The following EPHA6 variants were observed in gnomAD, a reference collection of about 807,000 sequenced individuals.
EPHA6 encodes the protein ephrin type-A receptor 6.
In EPHA6, 50 loss-of-function variants were observed where a neutral mutation model predicts 112.0. The ratio of observed to expected loss-of-function variants is 0.45; its 90% CI spans 0.36 to 0.56. The LOEUF (loss-of-function observed/expected upper bound fraction) is 0.56, where lower values mean the gene tolerates loss of function less well. Among genes scored for constraint, EPHA6 ranks in the 20% least tolerant of loss-of-function variants. The pLI is 0.00. For missense variants in EPHA6, 1,280 were observed against 1,417.4 expected (o/e 0.90, Z 1.56); for synonymous variants, 529 against 490.7 (o/e 1.08, Z -1.03).
chr3:97,298,123 T>C (rs897926586), intron 5 of EPHA6, among the ~76,000 whole-genome samples: 6 of 152,196 alleles, frequency 3.9e-5, no homozygotes, highest in African/African-American at 1.4e-4. Context: ...CCAAATCCTT[T>C]GATAGATTTT....
rs547314137 is a variant in EPHA6 at position 97,343,328 on chromosome 3, G to A, written c.1607-61822G>A. Among the ~76,000 whole-genome samples, 53 of 152,274 alleles carry A rather than the reference G, an allele frequency of 3.5e-4. No individual in the cohort carries two copies. The South Asian group carries it at 0.01, about 30-fold the overall frequency. Reference sequence around the variant, plus strand: ...GTTCTGTAGTAGGTACAACTTGTGAGGGATGAAGTTGGGTGTTTAATTGAG... The same window carrying A: ...GTTCTGTAGTAGGTACAACTTGTGAAGGATGAAGTTGGGTGTTTAATTGAG... On this transcript the variant is annotated intron_variant, in intron 5 of 17. Transcript: ENST00000389672.
At chr3:97,568,895 G>A (rs1488160001) in intron 11 of EPHA6, among the ~76,000 whole-genome samples, 6 of 152,092 alleles carry the variant, frequency 3.9e-5, no homozygotes, top group East Asian at 1.9e-4. Flanking sequence ...GGATGTCATC[G>A]GATGGAAACT....
intron 2 of EPHA6, among the ~76,000 whole-genome samples, chr3:96,919,246 T>G (rs932786950): frequency 6.6e-6 from 1 of 151,930 alleles, no homozygotes; most frequent in Non-Finnish European, 1.5e-5. Context: ...TCTGTTAGTA[T>G]ACTACACTGA....
intron 2 of EPHA6, among the ~76,000 whole-genome samples, chr3:96,867,244 T>G (rs2107456812): frequency 6.6e-6 from 1 of 151,978 alleles, no homozygotes; most frequent in Middle Eastern, 3.4e-3. Context: ...ATAAATAAAC[T>G]TTAAACTACT....
At chr3:97,115,929 A>G (rs1364842974) in intron 3 of EPHA6, among the ~76,000 whole-genome samples, 2 of 151,816 alleles carry the variant, frequency 1.3e-5, no homozygotes, top group Admixed American at 1.3e-4. Flanking sequence ...CTGCCTAAAA[A>G]CAAATCATAG....
chr3:97,281,011 G>C (rs1434261461), intron 5 of EPHA6, among the ~76,000 whole-genome samples: 1 of 152,136 alleles, frequency 6.6e-6, no homozygotes, highest in Admixed American at 6.6e-5. Context: ...ACATAGTTCA[G>C]TCACTTGGCA....
intron 6 of EPHA6, among the ~76,000 whole-genome samples, chr3:97,406,456 C>T (rs929021213): frequency 1.3e-5 from 2 of 152,086 alleles, no homozygotes; most frequent in African/African-American, 2.4e-5. Context: ...AAACCCACTC[C>T]CATGGTGACA....
chr3:97,258,964 C>T (rs1379275765), intron 5 of EPHA6, among the ~76,000 whole-genome samples: 1 of 152,126 alleles, frequency 6.6e-6, no homozygotes, highest in Non-Finnish European at 1.5e-5. Context: ...TAGAAGGACA[C>T]CTCTCTTAAA....
At chr3:97,190,164 A>G (rs989384358) in intron 3 of EPHA6, among the ~76,000 whole-genome samples, 1 of 152,178 alleles carries the variant, frequency 6.6e-6, no homozygotes, top group African/African-American at 2.4e-5. Context: ...TGAAAGGAAC[A>G]GTATACAGCA....
At chr3:97,191,665 G>A (rs555388510) in intron 3 of EPHA6, among the ~76,000 whole-genome samples, 6 of 152,070 alleles carry the variant, frequency 3.9e-5, no homozygotes, top group South Asian at 2.1e-4. Flanking sequence ...TTTCTTTCAC[G>A]GCTGACTAGT....
chr3:97,324,709 T>A (rs1241637362), intron 5 of EPHA6, among the ~76,000 whole-genome samples: 1 of 151,924 alleles, frequency 6.6e-6, no homozygotes, highest in East Asian at 1.9e-4. Context: ...CAGCTCATTT[T>A]TGCATTTTTT....
intron 2 of EPHA6, among the ~76,000 whole-genome samples, chr3:96,891,747 T>C (rs1320469512): frequency 6.6e-6 from 1 of 152,096 alleles, no homozygotes; most frequent in Non-Finnish European, 1.5e-5. Flanking sequence ...GCTGGTGATA[T>C]GCTGTTTTGA....
chr3:97,256,730 T>C (rs546514382), intron 5 of EPHA6, among the ~76,000 whole-genome samples: 1 of 152,202 alleles, frequency 6.6e-6, no homozygotes, highest in South Asian at 2.1e-4. Flanking sequence ...GTTTCCATAA[T>C]ACTTTACAAA....
At chr3:97,007,909 T>A (rs1335704752) in intron 3 of EPHA6, among the ~76,000 whole-genome samples, 2 of 152,180 alleles carry the variant, frequency 1.3e-5, no homozygotes, top group Non-Finnish European at 2.9e-5. Context: ...ATTCTTTTCT[T>A]TAAGAATGTT....
intron 3 of EPHA6, among the ~76,000 whole-genome samples, chr3:97,047,499 CAAAAA>C (rs556388538): frequency 2.2e-5 from 1 of 46,450 alleles, no homozygotes; most frequent in African/African-American, 6.9e-5. Flanking sequence ...GACTCTGTCT[CAAAAA>C]AAAAAAAAAA....
In EPHA6 at chr3:97,637,865, T is replaced by C. The variant is rs755278285; in HGVS notation, c.2575-8T>C. The C allele has an allele frequency of 1.9e-6, 3 of 1,611,010 alleles. No homozygotes were observed. The highest frequency in any genetic ancestry group is 2.2e-5 in the South Asian group (2 of 91,018). On this transcript the variant is annotated splice_polypyrimidine_tract_variant and splice_region_variant and intron_variant, in intron 13 of 17. Transcript: ENST00000389672. ...AAATCAATTTACACAATTGTGATTCTCTTGCAGAAGCATGATGGCCACTTC... is the reference window on the plus strand; with the variant it reads ...AAATCAATTTACACAATTGTGATTCCCTTGCAGAAGCATGATGGCCACTTC...
chr3:97,480,378 G>A (rs1024206080), intron 9 of EPHA6, among the ~76,000 whole-genome samples: 129 of 152,152 alleles, frequency 8.5e-4, no homozygotes, highest in African/African-American at 2.9e-3. Flanking sequence ...AGGACCCTGC[G>A]GCCTTCCGCA....
intron 3 of EPHA6, among the ~76,000 whole-genome samples, chr3:97,110,212 G>A (rs928802719): frequency 2.6e-5 from 4 of 152,000 alleles, no homozygotes; most frequent in African/African-American, 9.7e-5. Context: ...TTGTAGATGG[G>A]GGTGGATGAT....
intron 1 of EPHA6, among the ~76,000 whole-genome samples, chr3:96,856,860 G>T (rs1307735217): frequency 6.6e-6 from 1 of 152,138 alleles, no homozygotes; most frequent in Non-Finnish European, 1.5e-5. Context: ...CAAATCATCA[G>T]TGAATAAGTC....
Sources: gnomAD v4.1 joint callset for allele counts (sites outside exome capture counted in the v4.1 genomes callset) on GRCh38, gnomAD v4.1.1 for gene constraint, MANE v1.5 for transcripts, NCBI Gene and HGNC (gene_info 2026-07-23, HGNC 2026-07-21) for gene names.